NDRG2: variants seen among roughly 807,000 people sequenced by gnomAD.
NDRG2 encodes protein NDRG2.
A neutral mutation model predicts 58.2 loss-of-function variants in NDRG2; 34 were observed. That is an observed-to-expected ratio of 0.58 (90% CI 0.44 to 0.78). The LOEUF (loss-of-function observed/expected upper bound fraction) is 0.78, where lower values mean the gene tolerates loss of function less well. Among genes scored for constraint, NDRG2 ranks in the 30% least tolerant of loss-of-function variants. NDRG2 has a pLI of 0.00. For missense variants in NDRG2, 434 were observed against 471.2 expected (o/e 0.92, Z 0.73); for synonymous variants, 187 against 175.9 (o/e 1.06, Z -0.50).
chr14:21,024,889 G>A lies in NDRG2; in HGVS notation c.-866C>T. On this transcript the variant is annotated 5_prime_UTR_variant, in exon 1 of 16. Coordinates refer to ENST00000556147, the MANE Select transcript of NDRG2 (RefSeq NM_001320329.2). ...CAGCTCTTGGAGCCTCAGCCTTTGT[G>A]CGCAGCAACCGAGCGCCCGCTCCGT... 2 of 985,576 alleles carry A rather than the reference G, an allele frequency of 2.0e-6. No homozygotes were observed. Among genetic ancestry groups the A allele is most frequent in the Non-Finnish European group, 2.4e-6 (2 of 830,034 alleles). 61.1% of individuals were successfully genotyped at this position (985,576 alleles called of 1,614,324 possible).
At chr14:21,038,021 T>A (rs1884728586) in intron 1 of NDRG2, among the ~76,000 whole-genome samples, 1 of 152,212 alleles carries the variant, frequency 6.6e-6, no homozygotes, top group Admixed American at 6.5e-5. Flanking sequence ...TTTTGCCCTG[T>A]CCAATTCAAG....
chr14:21,019,253 T>A, intron 10 of NDRG2, 93 bp from the exon 11 acceptor site: 2 of 1,252,574 alleles, frequency 1.6e-6, no homozygotes, highest in Non-Finnish European at 2.2e-6. Flanking sequence ...TATCTTTGTC[T>A]AAAAATTACG....
At chr14:21,032,714 AG>A (rs1884309076) in intron 1 of NDRG2, 2 of 359,422 alleles carry the variant, frequency 5.6e-6, no homozygotes, top group Admixed American at 3.9e-5. Context: ...CTGACTGCTA[AG>A]GGTAGCTCAG....
At position 21,024,943 on chromosome 14, in the gene NDRG2, C is replaced by T; in HGVS notation, c.-920G>A. On this transcript the variant is annotated 5_prime_UTR_variant, in exon 1 of 16. Coordinates refer to ENST00000556147, the MANE Select transcript of NDRG2 (RefSeq NM_001320329.2). ...GGCCCTTTCCCCCGAGCCTCCAGCT[C>T]CAGGGGACGCGGATCAATCACACCG... 1 of 985,664 alleles carries T rather than the reference C, an allele frequency of 1.0e-6. No homozygotes were observed. Among genetic ancestry groups the T allele is most frequent in the Non-Finnish European group, 1.2e-6 (1 of 830,102 alleles). 61.1% of individuals were successfully genotyped at this position (985,664 alleles called of 1,614,324 possible).
intron 1 of NDRG2, chr14:21,032,382 T>TA (rs35274235): frequency 0.37 from 178,614 of 484,634 alleles, 35,528 homozygotes; most frequent in African/African-American, 0.55. Flanking sequence ...GATGTGGAGG[T>TA]AAAAGTATCT....
intron 1 of NDRG2, chr14:21,033,697 C>A (rs1290284400): frequency 4.0e-6 from 3 of 751,050 alleles, no homozygotes; most frequent in Admixed American, 1.9e-5. Context: ...CCCACCTGGT[C>A]TCTTGGGAGG....
intron 3 of NDRG2, 158 bp downstream of exon 3, chr14:21,022,706 G>C (rs375777652): frequency 1.4e-6 from 1 of 692,586 alleles, no homozygotes; most frequent in African/African-American, 1.8e-5. Flanking sequence ...AGAGAGAAGA[G>C]GAGGGGAAGG....
chr14:21,068,492 G>A (rs1886408327), intron 1 of NDRG2, among the ~76,000 whole-genome samples: 1 of 152,190 alleles, frequency 6.6e-6, no homozygotes, highest in Non-Finnish European at 1.5e-5. Context: ...AAGGCCTGGT[G>A]AGGAAAGGTT....
At chr14:21,065,918 G>T (rs895595242) in intron 1 of NDRG2, among the ~76,000 whole-genome samples, 9 of 152,200 alleles carry the variant, frequency 5.9e-5, no homozygotes, top group African/African-American at 1.7e-4. Flanking sequence ...GGCCAACATG[G>T]TGAAACCCTG....
chr14:21,022,028 C>CA lies in NDRG2; in HGVS notation c.344+33dup, dbSNP rs777318787. On this transcript the variant is annotated intron_variant, in intron 5 of 15. Transcript: ENST00000556147. ...TTTCCCGCACCTGTCCTGTTCCTCACAGTCTGGTGAAGCAGTAACGACCTA... is the reference window on the plus strand; with the variant it reads ...TTTCCCGCACCTGTCCTGTTCCTCACAAGTCTGGTGAAGCAGTAACGACCTA... 9 of 1,614,116 alleles carry CA rather than the reference C, an allele frequency of 5.6e-6. No individual in the cohort carries two copies. In the South Asian group the frequency reaches 9.9e-5, roughly 18 times the overall value.
intron 1 of NDRG2, among the ~76,000 whole-genome samples, chr14:21,062,707 C>CAG (rs1886026111): frequency 1.7e-5 from 1 of 57,664 alleles, no homozygotes; most frequent in Non-Finnish European, 3.3e-5. Context: ...AGGCTGGGCA[C>CAG]AGTGTGTGTG....
intron 1 of NDRG2, 172 bp from the exon 2 acceptor site, chr14:21,023,493 G>T (rs1594434780): frequency 1.6e-6 from 1 of 608,794 alleles, no homozygotes; most frequent in East Asian, 2.8e-5. Flanking sequence ...CCGTTTCCAG[G>T]CTGATCGGTG....
At position 21,020,815 on chromosome 14, in the gene NDRG2, C is replaced by G. The variant is rs759810353; in HGVS notation, c.437G>C (p.Gly146Ala). 1 of 1,613,720 alleles carries G rather than the reference C, an allele frequency of 6.2e-7. No homozygotes were observed. Among genetic ancestry groups the G allele is most frequent in the Non-Finnish European group, 8.5e-7 (1 of 1,179,966 alleles). ...NFSTIIGVGV[G>A]AGAYILARYA... ...TCTCGCCAGGATGTAGGCTCCAGCT[C>G]CAACACCAACTCCAATTATTGTAGA... is the stretch of plus-strand genomic sequence containing the variant. Residue 146 changes from glycine (G) to alanine (A), a missense_variant, in exon 7 of 16, where the codon GGA (glycine) becomes GCA (alanine). Gly to Ala is a moderately conservative substitution (Grantham distance 60). Transcript: ENST00000556147.
chr14:21,023,103 T>C (rs1263721715), intron 2 of NDRG2, 138 bp downstream of exon 2: 2 of 890,198 alleles, frequency 2.2e-6, no homozygotes, highest in African/African-American at 3.3e-5. Flanking sequence ...AATTATAGTG[T>C]ATGGGGAGAG....
chr14:21,045,383 C>T (rs758883040), intron 1 of NDRG2, among the ~76,000 whole-genome samples: 5 of 152,174 alleles, frequency 3.3e-5, no homozygotes, highest in Admixed American at 6.5e-5. Flanking sequence ...ACAAATGTTA[C>T]CTGAAAACAG....
At chr14:21,022,824 A>AGCCCCTCCTCCCACCTTGGGACT in intron 3 of NDRG2, 40 bp downstream of exon 3, 3 of 1,601,100 alleles carry the variant, frequency 1.9e-6, no homozygotes, top group Non-Finnish European at 2.6e-6. Flanking sequence ...GGAAGAGGAC[A>AGCCCCTCCTCCCACCTTGGGACT]GCCCCTCCTC....
intron 1 of NDRG2, among the ~76,000 whole-genome samples, chr14:21,053,380 C>T (rs1885549930): frequency 6.6e-6 from 1 of 152,138 alleles, no homozygotes; most frequent in Admixed American, 6.5e-5. Context: ...GTCATCCCAG[C>T]ACTTGGGGAG....
In NDRG2 at chr14:21,020,571, C is replaced by A. The variant is rs775221691; in HGVS notation, c.480G>T (p.Pro160=). 1.2e-6 allele frequency: 2 copies of A among 1,613,586 alleles called. No homozygotes were observed. Among genetic ancestry groups the A allele is most frequent in the Non-Finnish European group, 1.7e-6 (2 of 1,179,912 alleles). ...YILARYALNH[P]DTVEGLVLIN... ...TGAGGACAAGACCTTCAACAGTGTC[C>A]GGGTGGTTAAGCTGAGGGACAGCAG... The change falls in exon 8 of 16, where the codon CCG becomes CCT. Residue 160 remains proline (P), a synonymous_variant. Coordinates refer to ENST00000556147, the MANE Select transcript of NDRG2 (RefSeq NM_001320329.2).
rs1879140493 is a variant in NDRG2, at chr14:21,019,904, T to A, written c.612+16A>T. The A allele has an allele frequency of 6.2e-7, 1 of 1,613,614 alleles. No individual in the cohort carries two copies. ...CTGCTCCCGTCGACTCTTCTACATC[T>A]CCTACACCCACTTACCTGGCTGAAA... On this transcript the variant is annotated intron_variant, in intron 9 of 15. Transcript: ENST00000556147.
Sources: allele counts gnomAD v4.1 joint callset (sites outside exome capture counted in the v4.1 genomes callset), GRCh38; gene constraint gnomAD v4.1.1; transcripts MANE v1.5; gene names NCBI Gene and HGNC (gene_info 2026-07-23, HGNC 2026-07-21).